Variants in DMD observed in about 807,000 individuals in gnomAD.
The protein encoded by DMD is mutant dystrophin.
DMD carries 63 observed loss-of-function variants against 330.1 expected under a neutral mutation model. The ratio of observed to expected loss-of-function variants is 0.19; its 90% CI spans 0.16 to 0.24. The LOEUF (loss-of-function observed/expected upper bound fraction) is 0.24. Among genes scored for constraint, DMD ranks in the 10% least tolerant of loss-of-function variants. The probability of loss-of-function intolerance (pLI) is 1.00; values close to 1 mark genes in which losing one functional copy is unlikely to be tolerated. For missense variants in DMD, 3,344 were observed against 2,684.1 expected (o/e 1.25, Z -5.43); for synonymous variants, 1,223 against 959.8 (o/e 1.27, Z -5.07).
chrX:32,230,636 T>A (rs2097165992), intron 43 of DMD, among the ~76,000 whole-genome samples: 1 of 112,269 alleles, frequency 8.9e-6, no homozygotes, highest in South Asian at 3.6e-4. Context: ...AATCAGGTTG[T>A]ACAGCATACA....
chrX:32,946,901 G>A (rs893434536), intron 2 of DMD, among the ~76,000 whole-genome samples: 4 of 111,754 alleles, frequency 3.6e-5, no homozygotes, highest in African/African-American at 1.3e-4. Flanking sequence ...TGGGACCTAG[G>A]CATCTGTAAG....
chrX:32,464,758 A>T lies in DMD; in HGVS notation c.3163-59T>A, dbSNP rs72468663. ...GTGCTGATTACTTTTAACACAATTC[A>T]TCATTGTGTTATGTCTAAACACAGG... On this transcript the variant is annotated intron_variant, in intron 23 of 78. Coordinates refer to ENST00000357033, the MANE Select transcript of DMD (RefSeq NM_004006.3). 845 of 825,502 alleles carry T rather than the reference A, an allele frequency of 1.0e-3. 4 individuals are homozygous for T. In the East Asian group the frequency reaches 0.02, roughly 20 times the overall value. 68.0% of individuals were successfully genotyped at this position (825,502 alleles called of 1,213,427 possible). A position where few individuals can be genotyped will look rare whatever the true frequency, so the allele number is the denominator to read the frequency against.
At chrX:31,214,942 T>TC (rs1355129508) in intron 64 of DMD, among the ~76,000 whole-genome samples, 2 of 55,738 alleles carry the variant, frequency 3.6e-5, no homozygotes, top group African/African-American at 1.6e-4. Flanking sequence ...TTTTTCTTTT[T>TC]TTTTTTTTTT....
chrX:33,223,130 T>C (rs1381036412), intron 1 of DMD, among the ~76,000 whole-genome samples: 1 of 111,056 alleles, frequency 9.0e-6, no homozygotes, highest in African/African-American at 3.3e-5. Context: ...GCCAACATCA[T>C]GAAGCCCCGT....
intron 1 of DMD, among the ~76,000 whole-genome samples, chrX:33,328,624 C>T (rs1445120982): frequency 9.0e-6 from 1 of 111,483 alleles, no homozygotes; most frequent in Non-Finnish European, 1.9e-5. Context: ...CTATGTCACG[C>T]ATTTTGTGGC....
intron 77 of DMD, among the ~76,000 whole-genome samples, chrX:31,129,509 A>G (rs1031685445): frequency 8.9e-6 from 1 of 112,072 alleles, no homozygotes. Context: ...AATTTTCCCC[A>G]TAAAGGGCCA....
intron 44 of DMD, among the ~76,000 whole-genome samples, chrX:32,126,974 T>C: frequency 8.9e-6 from 1 of 112,164 alleles, no homozygotes; most frequent in African/African-American, 3.2e-5. Flanking sequence ...ATAAGCTTAG[T>C]TTATTTTTGT....
Position 31,627,680 on chromosome X carries a change from T to C in DMD, c.8210A>G (p.Gln2737Arg), listed in dbSNP as rs1286879381. The C allele has an allele frequency of 1.7e-6, 2 of 1,209,726 alleles. No individual in the cohort carries two copies. The highest frequency in any genetic ancestry group is 2.2e-6 in the Non-Finnish European group (2 of 895,119). ...CGGAAATGCCTGACTTACTTGCCAT[T>C]GTTTCATCAGCTCTTTTACTCCCTT... ...DSKGVKELMK[Q>R]WQDLQGEIEA... is the part of the protein sequence containing the mutation. The change falls in exon 55 of 79, where the codon CAA (glutamine) becomes CGA (arginine). Residue 2737 changes from glutamine to arginine, a missense_variant. Coordinates refer to ENST00000357033, the MANE Select transcript of DMD (RefSeq NM_004006.3).
At chrX:31,499,389 G>A (rs909000440) in intron 56 of DMD, among the ~76,000 whole-genome samples, 1 of 110,727 alleles carries the variant, frequency 9.0e-6, no homozygotes, top group Non-Finnish European at 1.9e-5. Flanking sequence ...TAAAATTCCA[G>A]TTCTAGGTTA....
chrX:33,158,811 C>T (rs2048627309), intron 1 of DMD, among the ~76,000 whole-genome samples: 1 of 111,498 alleles, frequency 9.0e-6, no homozygotes, highest in African/African-American at 3.3e-5. Context: ...GGTCTGTATG[C>T]AAACCAAACC....
intron 42 of DMD, among the ~76,000 whole-genome samples, chrX:32,307,095 C>G (rs1207170298): frequency 9.0e-6 from 1 of 110,838 alleles, no homozygotes; most frequent in Non-Finnish European, 1.9e-5. Flanking sequence ...GTAAATATGT[C>G]ATTATTTATT....
chrX:32,705,310 A>G (rs1336484130), intron 7 of DMD, among the ~76,000 whole-genome samples: 1 of 112,297 alleles, frequency 8.9e-6, no homozygotes, highest in African/African-American at 3.2e-5. Flanking sequence ...TTCTCATTAA[A>G]GGACGGTAAA....
In DMD at chrX:31,750,285, G is replaced by A. The variant is rs1246001890; in HGVS notation, c.7543-20537C>T. Reference sequence around the variant, plus strand: ...GGGTTTTTATGGTTTTAGGTCTAACGTTTAAGTCTTTAATCCATCTTGAAT... The same window carrying A: ...GGGTTTTTATGGTTTTAGGTCTAACATTTAAGTCTTTAATCCATCTTGAAT... On this transcript the variant is annotated intron_variant, in intron 51 of 78. Transcript: ENST00000357033. 7.5e-5 allele frequency among the ~76,000 whole-genome samples: 8 copies of A among 106,373 alleles called. No individual in the cohort carries two copies. In the East Asian group the frequency reaches 1.8e-3, roughly 24 times the overall value. The allele number at this position is 106,373 out of a possible 115,157, so 92.4% of individuals were successfully genotyped here. A position where few individuals can be genotyped will look rare whatever the true frequency, so the allele number is the denominator to read the frequency against.
rs371215377 is a variant in DMD, at chrX:33,054,861, T to C, written c.32-34661A>G. Among the ~76,000 whole-genome samples the C allele has an allele frequency of 5.4e-5, 6 of 111,817 alleles. No individual in the cohort carries two copies. In the East Asian group the frequency reaches 1.1e-3, roughly 21 times the overall value. The stretch of plus-strand genomic sequence containing the variant: ...TGGCACATGATGTCTTTCAATGAGC[T>C]AGAGAAGGAGGAAGAATTGCTTAGA... On this transcript the variant is annotated intron_variant, in intron 1 of 78. Transcript: ENST00000357033.
chrX:31,499,369 A>G (rs1044220900), intron 56 of DMD, among the ~76,000 whole-genome samples: 7 of 111,340 alleles, frequency 6.3e-5, no homozygotes, highest in African/African-American at 2.3e-4. Context: ...TTGTTTATGT[A>G]AGGAAGTGCT....
intron 1 of DMD, among the ~76,000 whole-genome samples, chrX:33,333,835 A>C (rs1191866911): frequency 9.0e-6 from 1 of 111,450 alleles, no homozygotes; most frequent in Non-Finnish European, 1.9e-5. Context: ...TTTATAGTGC[A>C]GTGCATTTGT....
intron 55 of DMD, among the ~76,000 whole-genome samples, chrX:31,510,103 G>A (rs779949271): frequency 2.7e-5 from 3 of 111,824 alleles, no homozygotes; most frequent in Non-Finnish European, 5.6e-5. Flanking sequence ...TACAGTAAAG[G>A]GCTTTACAGG....
At chrX:31,795,215 C>T (rs1174294661) in intron 50 of DMD, among the ~76,000 whole-genome samples, 1 of 112,142 alleles carries the variant, frequency 8.9e-6, no homozygotes, top group Non-Finnish European at 1.9e-5. Flanking sequence ...TCAAGATAAT[C>T]TCATCCTCTT....
chrX:31,463,910 G>C lies in DMD; in HGVS notation c.8937+14196C>G, dbSNP rs1297040761. On this transcript the variant is annotated intron_variant, in intron 59 of 78. Transcript: ENST00000357033. Reference sequence around the variant, plus strand: ...ATGAGATCAGACTTCTCTGGGTATAGGTTTCAATCATATCATGAATTAATG... The same window carrying C: ...ATGAGATCAGACTTCTCTGGGTATACGTTTCAATCATATCATGAATTAATG... Among the ~76,000 whole-genome samples, 5 of 111,440 alleles carry C rather than the reference G, an allele frequency of 4.5e-5. No homozygotes were observed. The East Asian group carries it at 1.1e-3, about 25-fold the overall frequency.
Sources: gnomAD v4.1 joint callset for allele counts (sites outside exome capture counted in the v4.1 genomes callset) on GRCh38, gnomAD v4.1.1 for gene constraint, MANE v1.5 for transcripts, NCBI Gene and HGNC (gene_info 2026-07-23, HGNC 2026-07-21) for gene names.